CORIN: variants seen among roughly 807,000 people sequenced by gnomAD.
CORIN encodes corin, serine peptidase, also known as atrial natriuretic peptide-converting enzyme.
In CORIN, 117 loss-of-function variants were observed where a neutral mutation model predicts 125.3. That is an observed-to-expected ratio of 0.93 (90% CI 0.80 to 1.09). CORIN has a LOEUF of 1.09. CORIN is among the 50% of genes least tolerant of loss of function. The pLI is 0.00. For synonymous variants in CORIN, 450 were observed against 466.4 expected (o/e 0.96, Z 0.45); for missense variants, 1,253 against 1,306.7 (o/e 0.96, Z 0.63).
intron 13 of CORIN, among the ~76,000 whole-genome samples, chr4:47,651,175 G>A (rs1293131097): frequency 1.3e-5 from 2 of 152,218 alleles, no homozygotes; most frequent in Non-Finnish European, 2.9e-5. Context: ...GTTTTGAGTG[G>A]AAACTCAATA....
chr4:47,829,431 C>T (rs1304326468), intron 1 of CORIN, among the ~76,000 whole-genome samples: 1 of 152,140 alleles, frequency 6.6e-6, no homozygotes. Context: ...GCTGTTCATT[C>T]GTATCCTTTA....
intron 15 of CORIN, chr4:47,642,804 G>A: frequency 7.0e-7 from 1 of 1,431,242 alleles, no homozygotes; most frequent in Non-Finnish European, 9.1e-7. Flanking sequence ...ATTCTAGCAG[G>A]TAGAGGTGAC....
At chr4:47,597,916 A>G (rs923517515) in intron 21 of CORIN, among the ~76,000 whole-genome samples, 4 of 152,212 alleles carry the variant, frequency 2.6e-5, no homozygotes, top group African/African-American at 9.7e-5. Flanking sequence ...AGCAAAATCT[A>G]ATGGCTAGAA....
chr4:47,702,361 GTC>G (rs1726338400), intron 5 of CORIN, among the ~76,000 whole-genome samples: 1 of 152,064 alleles, frequency 6.6e-6, no homozygotes, highest in African/African-American at 2.4e-5. Context: ...AAAGAAAATA[GTC>G]TCTTGCATAC....
intron 20 of CORIN, 70 bp from the exon 21 acceptor site, chr4:47,600,417 G>C (rs1383299517): frequency 1.9e-6 from 2 of 1,039,786 alleles, no homozygotes; most frequent in Admixed American, 2.7e-5. Context: ...AGTGAGGCTA[G>C]CCAAATATGA....
intron 3 of CORIN, among the ~76,000 whole-genome samples, chr4:47,780,161 A>G (rs1730475508): frequency 6.6e-6 from 1 of 151,930 alleles, no homozygotes; most frequent in African/African-American, 2.4e-5. Context: ...GATGGGAAAG[A>G]TATTTTGTAA....
At chr4:47,789,824 T>C (rs1482910413) in intron 2 of CORIN, among the ~76,000 whole-genome samples, 1 of 152,056 alleles carries the variant, frequency 6.6e-6, no homozygotes, top group East Asian at 1.9e-4. Flanking sequence ...ATAGAGACCG[T>C]CCTGGCTAAC....
chr4:47,746,638 G>A (rs1419657306), intron 4 of CORIN, among the ~76,000 whole-genome samples: 1 of 151,834 alleles, frequency 6.6e-6, no homozygotes, highest in Admixed American at 6.6e-5. Context: ...GGTTTCAAGC[G>A]ATTCTCCTGC....
intron 19 of CORIN, among the ~76,000 whole-genome samples, chr4:47,611,648 G>A (rs1386212839): frequency 6.6e-6 from 1 of 152,226 alleles, no homozygotes; most frequent in Non-Finnish European, 1.5e-5. Flanking sequence ...GGAGTGGTAA[G>A]AGAGGGCATC....
chr4:47,725,143 T>A (rs1473095485), intron 5 of CORIN, among the ~76,000 whole-genome samples: 1 of 152,156 alleles, frequency 6.6e-6, no homozygotes, highest in Non-Finnish European at 1.5e-5. Context: ...AAATAAATGA[T>A]AAACCAAGTT....
At chr4:47,609,152 C>A (rs1205834516) in intron 19 of CORIN, among the ~76,000 whole-genome samples, 1 of 152,130 alleles carries the variant, frequency 6.6e-6, no homozygotes. Flanking sequence ...TAAAGATATA[C>A]CACACTATGG....
intron 19 of CORIN, among the ~76,000 whole-genome samples, chr4:47,608,482 G>C (rs1001592044): frequency 6.6e-6 from 1 of 152,220 alleles, no homozygotes; most frequent in East Asian, 1.9e-4. Context: ...ACTTCAGACT[G>C]TGAGAGGAAG....
intron 16 of CORIN, among the ~76,000 whole-genome samples, chr4:47,628,212 A>T (rs565393587): frequency 2.0e-5 from 3 of 152,318 alleles, no homozygotes; most frequent in South Asian, 2.1e-4. Context: ...TGGCCCATTT[A>T]AAAAAGTCAG....
At chr4:47,777,284 T>C (rs1433327826) in intron 3 of CORIN, among the ~76,000 whole-genome samples, 1 of 152,220 alleles carries the variant, frequency 6.6e-6, no homozygotes, top group African/African-American at 2.4e-5. Flanking sequence ...GGCATGAGAA[T>C]GGGTTTACAC....
chr4:47,819,673 T>C (rs1322261395), intron 1 of CORIN, among the ~76,000 whole-genome samples: 1 of 151,682 alleles, frequency 6.6e-6, no homozygotes, highest in Non-Finnish European at 1.5e-5. Flanking sequence ...TGGATAAGGG[T>C]TTCACAAGAT....
At chr4:47,828,681 A>C (rs1024416843) in intron 1 of CORIN, among the ~76,000 whole-genome samples, 27 of 152,304 alleles carry the variant, frequency 1.8e-4, no homozygotes, top group African/African-American at 6.3e-4. Context: ...TAATATTCAC[A>C]GGTCTCAGGG....
At chr4:47,756,422 AT>A (rs965060427) in intron 4 of CORIN, among the ~76,000 whole-genome samples, 1 of 152,198 alleles carries the variant, frequency 6.6e-6, no homozygotes, top group African/African-American at 2.4e-5. Flanking sequence ...GCCAGATGAA[AT>A]TCTTTAATCT....
chr4:47,727,676 G>A (rs1363364768), intron 5 of CORIN, among the ~76,000 whole-genome samples: 1 of 152,208 alleles, frequency 6.6e-6, no homozygotes, highest in East Asian at 1.9e-4. Flanking sequence ...TGACTTCAGA[G>A]AGAAAAAGGA....
intron 5 of CORIN, among the ~76,000 whole-genome samples, chr4:47,702,491 A>G (rs1033096975): frequency 1.3e-5 from 2 of 152,178 alleles, no homozygotes; most frequent in Non-Finnish European, 2.9e-5. Flanking sequence ...ACAAAGAAAA[A>G]TCATCAGTTT....
Sources: gnomAD v4.1 joint callset for allele counts (sites outside exome capture counted in the v4.1 genomes callset) on GRCh38, gnomAD v4.1.1 for gene constraint, MANE v1.5 for transcripts, NCBI Gene and HGNC (gene_info 2026-07-23, HGNC 2026-07-21) for gene names.